NFXL1: variants seen among roughly 807,000 people sequenced by gnomAD.
NFXL1 encodes nuclear transcription factor, X-box binding like 1.
In NFXL1, 66 loss-of-function variants were observed where a neutral mutation model predicts 123.3. That is an observed-to-expected ratio of 0.54 (90% confidence interval 0.44 to 0.66). NFXL1 has a LOEUF of 0.66. NFXL1 is among the 30% of genes least tolerant of loss of function. NFXL1 has a pLI of 0.00. For missense variants in NFXL1, 944 were observed against 1,125.6 expected, an observed-to-expected ratio of 0.84 and a Z score of 2.31; for synonymous variants, 346 against 360.8, an observed-to-expected ratio of 0.96 and a Z score of 0.46.
In NFXL1 at chr4:47,875,166, T is replaced by C. The variant is rs561940848; in HGVS notation, c.2207A>G (p.Lys736Arg). Residue 736 changes from lysine (K) to arginine (R), a missense_variant, in exon 18 of 23, where the codon AAA (lysine) becomes AGA (arginine). Lys to Arg is a conservative substitution (Grantham distance 26). Transcript: ENST00000507489. ...CPPCVQMLRIKCHCKITSLYV... is the reference protein window; with the variant it reads ...CPPCVQMLRIRCHCKITSLYV... ...CAGGCTTGTGATCTTACAGTGACAT[T>C]TTATTCTAAGCATCTGAACACAAGG... is the stretch of plus-strand genomic sequence containing the variant. 3 of 1,612,788 alleles carry C rather than the reference T, an allele frequency of 1.9e-6. No individual in the cohort carries two copies. Among genetic ancestry groups the C allele is most frequent in the African/African-American group, 2.7e-5 (2 of 75,002 alleles).
chr4:47,862,143 A>G (rs1734803927), intron 19 of NFXL1, among the ~76,000 whole-genome samples: 4 of 152,200 alleles, frequency 2.6e-5, no homozygotes, highest in Admixed American at 2.0e-4. Flanking sequence ...TTGGTTTCTC[A>G]AATTATTACC....
chr4:47,858,765 G>T (rs1734560478), intron 19 of NFXL1, among the ~76,000 whole-genome samples: 1 of 152,108 alleles, frequency 6.6e-6, no homozygotes, highest in African/African-American at 2.4e-5. Flanking sequence ...GTCAGACAGG[G>T]ACCTTGGTAA....
intron 5 of NFXL1, among the ~76,000 whole-genome samples, chr4:47,900,833 C>T (rs1033175084): frequency 6.6e-6 from 1 of 152,092 alleles, no homozygotes; most frequent in African/African-American, 2.4e-5. Context: ...CATAAATACT[C>T]AAAATAACCA....
intron 18 of NFXL1, among the ~76,000 whole-genome samples, chr4:47,874,719 T>C (rs565680955): frequency 3.5e-4 from 53 of 151,110 alleles, no homozygotes; most frequent in Middle Eastern, 3.4e-3. Flanking sequence ...CAAACTCCAA[T>C]TTGTAAAAAA....
At chr4:47,908,397 C>A (rs1034275901) in intron 3 of NFXL1, among the ~76,000 whole-genome samples, 17 of 147,758 alleles carry the variant, frequency 1.2e-4, no homozygotes, top group African/African-American at 4.3e-4. Flanking sequence ...GCACTCCAGC[C>A]TGGGCAATAG....
In NFXL1 at chr4:47,890,085, A is replaced by G. The variant is rs556402985; in HGVS notation, c.1543+528T>C. On this transcript the variant is annotated intron_variant, in intron 12 of 22. Transcript: ENST00000507489. ...TATTATTACATTTTATTTTAATTTC[A>G]AATACAATAAATGTCAATGAATAAA... 2.6e-3 allele frequency among the ~76,000 whole-genome samples: 390 copies of G among 152,132 alleles called. 2 individuals are homozygous for G. Among genetic ancestry groups the G allele is most frequent in the South Asian group, 0.012 (57 of 4,826 alleles).
At chr4:47,868,300 CAG>C (rs1179744050) in intron 18 of NFXL1, among the ~76,000 whole-genome samples, 1 of 140,914 alleles carries the variant, frequency 7.1e-6, no homozygotes, top group African/African-American at 2.7e-5. Context: ...GCCTGGGTGA[CAG>C]AGCGAGACTC....
rs1159584734 is a variant in NFXL1, at chr4:47,898,944, G to A, written c.988+15C>T. Reference sequence around the variant, plus strand: ...TGCTTAAAGTCAGAAAAATCTAATGGGTATGGCCTTTTACCTGCATGACAA... The same window carrying A: ...TGCTTAAAGTCAGAAAAATCTAATGAGTATGGCCTTTTACCTGCATGACAA... On this transcript the variant is annotated intron_variant, in intron 7 of 22. Coordinates refer to ENST00000507489, the MANE Select transcript of NFXL1 (RefSeq NM_001278624.2). The A allele has an allele frequency of 1.2e-6, 2 of 1,613,478 alleles. No homozygotes were observed. Among genetic ancestry groups the A allele is most frequent in the Non-Finnish European group, 1.7e-6 (2 of 1,179,596 alleles).
intron 19 of NFXL1, among the ~76,000 whole-genome samples, chr4:47,859,802 A>G (rs71614009): frequency 7.6e-6 from 1 of 131,420 alleles, no homozygotes; most frequent in Non-Finnish European, 1.6e-5. Context: ...AGATTGCGCC[A>G]CCGTACTCCA....
intron 12 of NFXL1, among the ~76,000 whole-genome samples, chr4:47,886,590 A>T (rs1414948530): frequency 6.6e-6 from 1 of 152,012 alleles, no homozygotes; most frequent in Non-Finnish European, 1.5e-5. Context: ...GGCTGGTCTC[A>T]AACTCCTGGA....
In NFXL1 at chr4:47,885,655, C is replaced by T. The variant is rs1488526044; in HGVS notation, c.1667G>A (p.Arg556Gln). The change falls in exon 14 of 23, where the codon CGA becomes CAA. Residue 556 changes from arginine to glutamine, a missense_variant and splice_region_variant. Arg to Gln is a conservative substitution (Grantham distance 43). Transcript: ENST00000507489. ...RPPKCKEQCS[R>Q]PPTCHHTSQE... is the part of the protein sequence containing the mutation. ...ACTTGTATGATGACAAGTTGGTGGT[C>T]GACTAAATCATAAAGTACAATTTTC... 6.6e-5 allele frequency: 107 copies of T among 1,610,308 alleles called. No homozygotes were observed. Among genetic ancestry groups the T allele is most frequent in the Admixed American group, 1.0e-4 (6 of 59,712 alleles).
chr4:47,890,545 A>G, intron 12 of NFXL1, 68 bp downstream of exon 12: 1 of 806,442 alleles, frequency 1.2e-6, no homozygotes, highest in Non-Finnish European at 2.1e-6. Flanking sequence ...TATATTGAAT[A>G]TTGACAATGA....
chr4:47,876,990 T>C (rs567702534), intron 17 of NFXL1: 10 of 1,051,926 alleles, frequency 9.5e-6, no homozygotes, highest in South Asian at 2.7e-5. Flanking sequence ...TAACAAAATA[T>C]GCAAAAAGAA....
At chr4:47,905,067 AT>A (rs1737503317) in intron 4 of NFXL1, among the ~76,000 whole-genome samples, 169 bp downstream of exon 4, 2 of 151,778 alleles carry the variant, frequency 1.3e-5, no homozygotes, top group Admixed American at 6.6e-5. Flanking sequence ...TTTAGTGGTA[AT>A]TTTTTTTTAA....
intron 11 of NFXL1, among the ~76,000 whole-genome samples, chr4:47,891,285 T>A (rs1421728485): frequency 6.6e-6 from 1 of 151,980 alleles, no homozygotes. Flanking sequence ...GTAGTTTGTG[T>A]ATTTTTGGTA....
chr4:47,855,631 A>G (rs1734365731), intron 19 of NFXL1, among the ~76,000 whole-genome samples: 2 of 152,220 alleles, frequency 1.3e-5, no homozygotes, highest in South Asian at 4.1e-4. Flanking sequence ...GGGTGAACAC[A>G]TGGAATACAA....
In NFXL1 at chr4:47,899,392, T is replaced by C; in HGVS notation, c.804A>G (p.Lys268=). 1 of 1,613,488 alleles carries C rather than the reference T, an allele frequency of 6.2e-7. No individual in the cohort carries two copies. The highest frequency in any genetic ancestry group is 8.5e-7 in the Non-Finnish European group (1 of 1,179,674). ...CACCTGGATGACAGAGGAGTAAACATTTATGGCCACAAGGAGGTTTAAATT... is the reference window on the plus strand; with the variant it reads ...CACCTGGATGACAGAGGAGTAAACACTTATGGCCACAAGGAGGTTTAAATT... ...EREFKPPCGH[K]CLLLCHPGPC... The change falls in exon 6 of 23, where the codon AAA becomes AAG. Residue 268 remains lysine, a synonymous_variant. Coordinates refer to ENST00000507489, the MANE Select transcript of NFXL1 (RefSeq NM_001278624.2).
chr4:47,900,272 C>T (rs56384707), intron 5 of NFXL1, among the ~76,000 whole-genome samples: 49,877 of 151,844 alleles, frequency 0.33, 9,859 homozygotes, highest in Non-Finnish European at 0.44. Context: ...TATAGTGGCG[C>T]AATCTCGGCT....
Position 47,847,643 on chromosome 4 carries a change from CCTCA to C in NFXL1, c.*516_*519del, listed in dbSNP as rs1334896264. The C allele has an allele frequency of 6.6e-6, 1 of 152,566 alleles. No individual in the cohort carries two copies. The highest frequency in any genetic ancestry group is 2.4e-5 in the African/African-American group (1 of 41,430). 9.5% of individuals were successfully genotyped at this position (152,566 alleles called of 1,614,324 possible). A position where few individuals can be genotyped will look rare whatever the true frequency, so the allele number is the denominator to read the frequency against. On this transcript the variant is annotated 3_prime_UTR_variant, in exon 23 of 23. Coordinates refer to ENST00000507489, the MANE Select transcript of NFXL1 (RefSeq NM_001278624.2). ...CCCATGACATTTATTGATAAAAATT[CCTCA>C]CTAATAAACCAATTTCTGAAATCTA...
Sources: allele counts gnomAD v4.1 joint callset (sites outside exome capture counted in the v4.1 genomes callset), GRCh38; gene constraint gnomAD v4.1.1; transcripts MANE v1.5; gene names NCBI Gene and HGNC (gene_info 2026-07-23, HGNC 2026-07-21).